The following RNGTT variants were observed in gnomAD, a reference collection of about 807,000 sequenced individuals.
RNGTT encodes RNA guanylyltransferase and 5'-phosphatase, also known as mRNA-capping enzyme.
RNGTT carries 33 observed loss-of-function variants against 79.3 expected under a neutral mutation model. That is an observed-to-expected ratio of 0.42 (90% confidence interval 0.32 to 0.56). The LOEUF is 0.56. Ranked by LOEUF, RNGTT falls within the 20% of genes least tolerant of loss-of-function variation. RNGTT has a pLI of 0.17. For synonymous variants in RNGTT, 222 were observed against 235.9 expected (o/e 0.94, Z 0.54); for missense variants, 497 against 739.1 (o/e 0.67, Z 3.80).
chr6:88,708,362 A>G (rs139776530), intron 13 of RNGTT, among the ~76,000 whole-genome samples: 1 of 152,202 alleles, frequency 6.6e-6, no homozygotes, highest in Non-Finnish European at 1.5e-5. Flanking sequence ...CATTGTCCCA[A>G]GAGTAACAGC....
chr6:88,839,633 T>A (rs148063703), intron 11 of RNGTT, among the ~76,000 whole-genome samples: 1 of 152,288 alleles, frequency 6.6e-6, no homozygotes, highest in Non-Finnish European at 1.5e-5. Context: ...ATGTGTTTAT[T>A]TATTGCTAAA....
intron 12 of RNGTT, among the ~76,000 whole-genome samples, chr6:88,771,916 G>A (rs769910598): frequency 2.8e-4 from 42 of 152,232 alleles, no homozygotes; most frequent in Non-Finnish European, 5.4e-4. Flanking sequence ...GGTGGCTCAC[G>A]CCTGTAATTC....
rs1484792332 is a variant in RNGTT at position 88,697,889 on chromosome 6, GAT to G, written c.1440-19472_1440-19471del. ...CTGTCTTGGAAAAAAATATATATAT[GAT>G]ATATATATATGATATATATATGAAA... On this transcript the variant is annotated intron_variant, in intron 13 of 15. Transcript: ENST00000369485. Among the ~76,000 whole-genome samples, 30 of 77,352 alleles carry G rather than the reference GAT, an allele frequency of 3.9e-4. 8 individuals carry two copies. Among genetic ancestry groups the G allele is most frequent in the Middle Eastern group, 0.016 (2 of 126 alleles). The allele number at this position is 77,352 out of a possible 152,430, so 50.7% of individuals were successfully genotyped here.
At chr6:88,887,831 T>C (rs899159883) in intron 8 of RNGTT, among the ~76,000 whole-genome samples, 1 of 152,190 alleles carries the variant, frequency 6.6e-6, no homozygotes, top group Non-Finnish European at 1.5e-5. Context: ...AAAGAGTATA[T>C]AAGGCCAGAT....
At chr6:88,704,059 A>AAACT (rs1776036575) in intron 13 of RNGTT, among the ~76,000 whole-genome samples, 1 of 148,048 alleles carries the variant, frequency 6.8e-6, no homozygotes, top group African/African-American at 2.7e-5. Flanking sequence ...GGAGATCAAG[A>AAACT]CCATGCTGGC....
intron 8 of RNGTT, among the ~76,000 whole-genome samples, chr6:88,881,032 A>G (rs1196953359): frequency 6.6e-6 from 1 of 152,220 alleles, no homozygotes; most frequent in East Asian, 1.9e-4. Flanking sequence ...TTTACACTCA[A>G]GTAGAACTGA....
chr6:88,791,608 C>T (rs777461620), intron 12 of RNGTT, among the ~76,000 whole-genome samples: 1 of 152,018 alleles, frequency 6.6e-6, no homozygotes, highest in Non-Finnish European at 1.5e-5. Flanking sequence ...GGCACAATCT[C>T]GGCTCACTGC....
intron 13 of RNGTT, among the ~76,000 whole-genome samples, chr6:88,725,511 T>TGG (rs1480449197): frequency 1.3e-5 from 2 of 151,474 alleles, no homozygotes; most frequent in African/African-American, 4.9e-5. Context: ...CCACAGGGGG[T>TGG]GGTGAAGTAT....
chr6:88,621,456 A>G (rs1451273417), intron 14 of RNGTT, among the ~76,000 whole-genome samples: 6 of 152,140 alleles, frequency 3.9e-5, no homozygotes, highest in East Asian at 3.8e-4. Flanking sequence ...GGAGGCTAGT[A>G]TTATCTCTAA....
At chr6:88,749,845 T>G (rs1562232933) in intron 13 of RNGTT, among the ~76,000 whole-genome samples, 1 of 152,182 alleles carries the variant, frequency 6.6e-6, no homozygotes, top group Non-Finnish European at 1.5e-5. Flanking sequence ...ATAATCAAGA[T>G]GTAGACAGGA....
intron 12 of RNGTT, among the ~76,000 whole-genome samples, chr6:88,772,012 T>A (rs189243373): frequency 5.3e-5 from 8 of 152,060 alleles, no homozygotes; most frequent in Non-Finnish European, 8.8e-5. Flanking sequence ...ACCTTATCTC[T>A]ACAAAAAAAT....
At chr6:88,635,694 T>C (rs1351113068) in intron 14 of RNGTT, among the ~76,000 whole-genome samples, 1 of 152,132 alleles carries the variant, frequency 6.6e-6, no homozygotes, top group African/African-American at 2.4e-5. Flanking sequence ...GATTCATACA[T>C]TTGTTGAGTA....
chr6:88,773,575 T>C (rs1401269464), intron 12 of RNGTT, among the ~76,000 whole-genome samples: 1 of 150,750 alleles, frequency 6.6e-6, no homozygotes, highest in Non-Finnish European at 1.5e-5. Context: ...ACTACAAAGC[T>C]ACAGTAATCA....
chr6:88,697,630 G>A (rs1262508858), intron 13 of RNGTT, among the ~76,000 whole-genome samples: 1 of 151,648 alleles, frequency 6.6e-6, no homozygotes, highest in Non-Finnish European at 1.5e-5. Context: ...TTTGGAGGTC[G>A]AAGTCGGCAG....
intron 4 of RNGTT, among the ~76,000 whole-genome samples, chr6:88,916,683 T>G (rs1286764833): frequency 2.0e-5 from 3 of 152,216 alleles, no homozygotes; most frequent in Admixed American, 2.0e-4. Context: ...GGTTATACAT[T>G]TGATACATTT....
At chr6:88,676,958 C>T (rs1774899019) in intron 14 of RNGTT, among the ~76,000 whole-genome samples, 1 of 152,174 alleles carries the variant, frequency 6.6e-6, no homozygotes, top group Admixed American at 6.5e-5. Context: ...ATGCTCACAG[C>T]AGCTTTATTT....
intron 13 of RNGTT, among the ~76,000 whole-genome samples, chr6:88,706,477 C>T (rs575615610): frequency 2.0e-5 from 3 of 151,980 alleles, no homozygotes; most frequent in African/African-American, 7.2e-5. Context: ...TAAGGAAGAG[C>T]ACTAATAGAT....
At position 88,844,898 on chromosome 6, in the gene RNGTT, G is replaced by C. The variant is rs77771452; in HGVS notation, c.1105-377C>G. On this transcript the variant is annotated intron_variant, in intron 10 of 15. Coordinates refer to ENST00000369485, the MANE Select transcript of RNGTT (RefSeq NM_003800.5). ...AGCCCAGGAGTTTGAGGCTAGCCTG[G>C]GCAACAGAGCAAGACCACCACTTCC... Among the ~76,000 whole-genome samples, 1,033 of 151,198 alleles carry C rather than the reference G, an allele frequency of 6.8e-3. 6 individuals carry two copies. Among genetic ancestry groups the C allele is most frequent in the South Asian group, 0.015 (70 of 4,756 alleles).
intron 2 of RNGTT, 60 bp downstream of exon 2, chr6:88,941,011 G>A: frequency 1.0e-6 from 1 of 957,246 alleles, no homozygotes; most frequent in Non-Finnish European, 1.6e-6. Flanking sequence ...AAAGCCACCT[G>A]AAGAACAAGA....
Sources: gnomAD v4.1 joint callset for allele counts (sites outside exome capture counted in the v4.1 genomes callset) on GRCh38, gnomAD v4.1.1 for gene constraint, MANE v1.5 for transcripts, NCBI Gene and HGNC (gene_info 2026-07-23, HGNC 2026-07-21) for gene names.